The following CFAP92 variants were observed in gnomAD, a reference collection of about 807,000 sequenced individuals.
CFAP92 encodes cilia and flagella associated protein 92 (putative), also known as uncharacterized protein CFAP92.
A neutral mutation model predicts 106.3 loss-of-function variants in CFAP92; 86 were observed. That is an observed-to-expected ratio of 0.81 (90% confidence interval 0.68 to 0.97). The LOEUF (loss-of-function observed/expected upper bound fraction) is 0.97, where lower values mean the gene tolerates loss of function less well. Among genes scored for constraint, CFAP92 ranks in the 50% least tolerant of loss-of-function variants. The pLI, the probability that CFAP92 is intolerant of heterozygous loss-of-function variation, is 0.00. For synonymous variants in CFAP92, 477 were observed against 506.4 expected (o/e 0.94, Z 0.78); for missense variants, 1,204 against 1,283.8 (o/e 0.94, Z 0.95).
chr3:128,931,543 ATT>A (rs1491121960), intron 12 of CFAP92, among the ~76,000 whole-genome samples: 1 of 148,318 alleles, frequency 6.7e-6, no homozygotes, highest in Non-Finnish European at 1.5e-5. Flanking sequence ...ATATATATAT[ATT>A]ACACAAGAGA....
At chr3:129,021,314 G>A in the CFAP92 span, among the ~76,000 whole-genome samples, 1 of 152,200 alleles carries the variant, frequency 6.6e-6, no homozygotes, top group African/African-American at 2.4e-5. Context: ...CCAAGAATCC[G>A]ATGCTGTGTG....
chr3:128,995,895 C>T (rs1171423185), upstream of CFAP92, among the ~76,000 whole-genome samples: 2 of 152,258 alleles, frequency 1.3e-5, no homozygotes, highest in African/African-American at 4.8e-5. Context: ...ACATAATCTT[C>T]CGGCAGGCAT....
At chr3:128,986,325 G>A (rs892207190) in intron 4 of CFAP92, among the ~76,000 whole-genome samples, 16 of 149,828 alleles carry the variant, frequency 1.1e-4, no homozygotes, top group Admixed American at 1.0e-3. Flanking sequence ...CTGAAGCCTC[G>A]ACCTCCCAGG....
At chr3:129,013,061 C>T in the CFAP92 span, among the ~76,000 whole-genome samples, 1 of 152,158 alleles carries the variant, frequency 6.6e-6, no homozygotes, top group East Asian at 1.9e-4. Flanking sequence ...CCTGGCTTGT[C>T]CTGTAGCTCC....
intron 12 of CFAP92, among the ~76,000 whole-genome samples, chr3:128,931,477 A>ATG (rs1559863516): frequency 5.7e-5 from 4 of 70,558 alleles, no homozygotes; most frequent in African/African-American, 5.0e-4. Flanking sequence ...ACATACATGT[A>ATG]TATATATGTA....
chr3:128,946,653 C>T (rs1186826680), intron 9 of CFAP92, among the ~76,000 whole-genome samples: 1 of 152,166 alleles, frequency 6.6e-6, no homozygotes, highest in African/African-American at 2.4e-5. Flanking sequence ...AGAATTTATT[C>T]TAAAATAATC....
At chr3:128,974,105 C>A (rs1191497056) in intron 7 of CFAP92, among the ~76,000 whole-genome samples, 2 of 152,086 alleles carry the variant, frequency 1.3e-5, no homozygotes, top group African/African-American at 4.8e-5. Flanking sequence ...CTTTGTGGAC[C>A]GTAGGAATAG....
At chr3:128,941,935 T>C (rs1469996740) in intron 10 of CFAP92, among the ~76,000 whole-genome samples, 1 of 152,240 alleles carries the variant, frequency 6.6e-6, no homozygotes, top group Admixed American at 6.5e-5. Flanking sequence ...TTGTGTTTTA[T>C]TTCTAGCCTA....
intron 8 of CFAP92, chr3:128,968,141 G>C (rs1295749376): frequency 1.3e-5 from 2 of 152,176 alleles, no homozygotes; most frequent in African/African-American, 4.8e-5. Context: ...ATTACAGATG[G>C]GGGAAATGAG....
chr3:128,956,204 A>AAT (rs1941384566), intron 9 of CFAP92, among the ~76,000 whole-genome samples: 1 of 97,706 alleles, frequency 1.0e-5, no homozygotes, highest in Admixed American at 1.0e-4. Context: ...AATAAAAAAA[A>AAT]AATAAAAAAA....
the CFAP92 span, among the ~76,000 whole-genome samples, chr3:129,021,988 G>A: frequency 6.6e-6 from 1 of 152,156 alleles, no homozygotes; most frequent in Non-Finnish European, 1.5e-5. Context: ...TGTTAGGGTT[G>A]GGGTCCTCTG....
At chr3:128,926,207 A>G (rs993484155) in intron 12 of CFAP92, among the ~76,000 whole-genome samples, 1 of 151,676 alleles carries the variant, frequency 6.6e-6, no homozygotes, top group Non-Finnish European at 1.5e-5. Context: ...AGAGAGAGAC[A>G]GACATTAAAG....
chr3:129,014,577 C>T, the CFAP92 span, among the ~76,000 whole-genome samples: 117 of 152,334 alleles, frequency 7.7e-4, no homozygotes, highest in African/African-American at 2.7e-3. This position sits in a 1 kb window ranked among gnomAD's most constrained non-coding sequence, Gnocchi z 4.3. Context: ...CATTAAAGGT[C>T]CCATCGCCAA....
chr3:128,959,400 T>C (rs1002411002), intron 9 of CFAP92, among the ~76,000 whole-genome samples: 1 of 151,944 alleles, frequency 6.6e-6, no homozygotes, highest in Non-Finnish European at 1.5e-5. Flanking sequence ...CTACCAGTCA[T>C]GTGTAAGGAT....
chr3:128,931,477 A>ATATATATGTATGTATGTATATG (rs1559863524), intron 12 of CFAP92, among the ~76,000 whole-genome samples: 1 of 70,558 alleles, frequency 1.4e-5, no homozygotes, highest in African/African-American at 1.3e-4. Flanking sequence ...ACATACATGT[A>ATATATATGTATGTATGTATATG]TATATATGTA....
At chr3:129,018,355 CA>C in the CFAP92 span, among the ~76,000 whole-genome samples, 1 of 152,140 alleles carries the variant, frequency 6.6e-6, no homozygotes, top group African/African-American at 2.4e-5. Flanking sequence ...ATAGTTTTTA[CA>C]TTTTTAAATG....
chr3:128,975,045 G>A (rs573959584), intron 7 of CFAP92, among the ~76,000 whole-genome samples: 10 of 149,806 alleles, frequency 6.7e-5, no homozygotes, highest in South Asian at 2.1e-4. Flanking sequence ...GCGTGAACCC[G>A]GGAGACAGAG....
chr3:128,973,542 G>C (rs1424451811), intron 7 of CFAP92, among the ~76,000 whole-genome samples: 1 of 152,012 alleles, frequency 6.6e-6, no homozygotes, highest in Admixed American at 6.6e-5. Flanking sequence ...TGTAACCCCA[G>C]CTACTCGGGA....
the CFAP92 span, among the ~76,000 whole-genome samples, chr3:129,016,533 C>T: frequency 1.3e-5 from 2 of 148,644 alleles, no homozygotes; most frequent in African/African-American, 4.9e-5. Flanking sequence ...GCCCATAAGC[C>T]GTGCCCGTGA....
Sources: allele counts gnomAD v4.1 joint callset (sites outside exome capture counted in the v4.1 genomes callset), GRCh38; gene constraint gnomAD v4.1.1; non-coding constraint Gnocchi (gnomAD v3.1); transcripts MANE v1.5; gene names NCBI Gene and HGNC (gene_info 2026-07-23, HGNC 2026-07-21).